CDON: variants seen among roughly 807,000 people sequenced by gnomAD.
CDON encodes cell adhesion molecule-related/down-regulated by oncogenes.
CDON carries 73 observed loss-of-function variants against 120.9 expected under a neutral mutation model. The observed-to-expected ratio is 0.60, with a 90% CI of 0.50 to 0.73. CDON has a LOEUF of 0.73. Among genes scored for constraint, CDON ranks in the 30% least tolerant of loss-of-function variants. CDON has a pLI of 0.00. For synonymous variants in CDON, 566 were observed against 573.5 expected, an observed-to-expected ratio of 0.99 and a Z score of 0.19; for missense variants, 1,470 against 1,587.3, an observed-to-expected ratio of 0.93 and a Z score of 1.26.
intron 18 of CDON, among the ~76,000 whole-genome samples, chr11:125,964,711 G>A (rs1945740937): frequency 6.6e-6 from 1 of 152,100 alleles, no homozygotes; most frequent in Non-Finnish European, 1.5e-5. Flanking sequence ...ATACATGTGT[G>A]GCTGACAAGA....
intron 1 of CDON, among the ~76,000 whole-genome samples, chr11:126,029,026 C>T (rs1453514103): frequency 6.6e-6 from 1 of 152,036 alleles, no homozygotes; most frequent in Non-Finnish European, 1.5e-5. Context: ...AAGAGGCCCC[C>T]AATAGCCAAC....
intron 18 of CDON, among the ~76,000 whole-genome samples, chr11:125,967,603 G>T (rs573933259): frequency 8.5e-5 from 13 of 152,178 alleles, no homozygotes; most frequent in Non-Finnish European, 1.6e-4. Context: ...CTTCTGCCTT[G>T]ATGTCGCATT....
chr11:126,024,216 C>G lies in CDON; in HGVS notation c.-61-679G>C, dbSNP rs529656350. On this transcript the variant is annotated intron_variant, in intron 1 of 19. Coordinates refer to ENST00000531738, the MANE Select transcript of CDON (RefSeq NM_001378964.1). ...CAGCTTTGAAGGCCATGGTAAAGAT[C>G]GTGGGATTTATTCTAAATGCAAGAG... Among the ~76,000 whole-genome samples the G allele has an allele frequency of 3.3e-5, 5 of 152,220 alleles. No individual in the cohort carries two copies. The South Asian group carries it at 1.0e-3, about 32-fold the overall frequency.
At chr11:126,058,930 A>C (rs1948735040) in intron 1 of CDON, among the ~76,000 whole-genome samples, 1 of 152,246 alleles carries the variant, frequency 6.6e-6, no homozygotes, top group Non-Finnish European at 1.5e-5. Flanking sequence ...AAGTCTGCAA[A>C]GTAATGCCTC....
chr11:126,022,183 T>C (rs1947663148), intron 2 of CDON, among the ~76,000 whole-genome samples: 3 of 151,156 alleles, frequency 2.0e-5, no homozygotes, highest in Admixed American at 2.0e-4. Context: ...AACTGGAAGT[T>C]AAGAACCTGA....
chr11:126,041,528 C>G (rs1948262722), intron 1 of CDON, among the ~76,000 whole-genome samples: 1 of 152,152 alleles, frequency 6.6e-6, no homozygotes, highest in Non-Finnish European at 1.5e-5. Flanking sequence ...AACATATGAA[C>G]TTCTGTATAG....
At chr11:126,060,510 T>C (rs2043438) in intron 1 of CDON, among the ~76,000 whole-genome samples, 50,610 of 151,954 alleles carry the variant, frequency 0.33, 8,691 homozygotes, top group Middle Eastern at 0.51. Context: ...ATTTCCCTAG[T>C]ATTTAACTTC....
intron 14 of CDON, among the ~76,000 whole-genome samples, chr11:125,992,709 G>A (rs910855987): frequency 2.0e-5 from 3 of 152,132 alleles, no homozygotes; most frequent in African/African-American, 4.8e-5. Flanking sequence ...TCATTCCACT[G>A]GATAAATATG....
In CDON at chr11:126,010,529, G is replaced by A. The variant is rs187095965; in HGVS notation, c.1364C>T (p.Ser455Leu). Residue 455 changes from serine to leucine, a missense_variant, in exon 8 of 20, where the codon TCG becomes TTG. Ser to Leu is a moderately radical substitution (Grantham distance 145). Transcript: ENST00000531738. ...ITSHPSQVLR[S>L]KSRKSQLSRP... The stretch of plus-strand genomic sequence containing the variant: ...TGATAACTGTGATTTTCGGGATTTC[G>A]ATCTCAGGACTTGAGATGGATGGCT... 37 of 1,614,066 alleles carry A rather than the reference G, an allele frequency of 2.3e-5. No homozygotes were observed. The Admixed American group carries it at 5.5e-4, about 24-fold the overall frequency.
At chr11:126,021,208 C>G (rs199618730) in intron 3 of CDON, 40 bp downstream of exon 3, 1 of 1,606,536 alleles carries the variant, frequency 6.2e-7, no homozygotes, top group African/African-American at 1.3e-5. Context: ...ACAGTAATTT[C>G]AAGAAAACCC....
chr11:126,005,865 A>G lies in CDON; in HGVS notation c.1745T>C (p.Ile582Thr). 3.7e-6 allele frequency: 6 copies of G among 1,614,022 alleles called. No individual in the cohort carries two copies. The highest frequency in any genetic ancestry group is 5.1e-6 in the Non-Finnish European group (6 of 1,179,964). The change falls in exon 9 of 20, where the codon ATA (isoleucine) becomes ACA (threonine). Residue 582 changes from isoleucine (I) to threonine (T), a missense_variant. Physicochemically the swap from Ile to Thr is moderately conservative, Grantham distance 89. Coordinates refer to ENST00000531738, the MANE Select transcript of CDON (RefSeq NM_001378964.1). ...TGTGTGGGTCTGTGGGGGGCTCAGT[A>G]TGATGGGGGCATCAGGAACAGAGAT... is the stretch of plus-strand genomic sequence containing the variant. ...SGISVPDAPIILSPPQTHTPD... is the reference protein window; with the variant it reads ...SGISVPDAPITLSPPQTHTPD...
intron 13 of CDON, among the ~76,000 whole-genome samples, 199 bp downstream of exon 13, chr11:125,994,672 C>T (rs1258430195): frequency 2.0e-5 from 3 of 152,108 alleles, no homozygotes; most frequent in Non-Finnish European, 2.9e-5. Context: ...GGATAAGAGC[C>T]GAGGAAACAA....
rs369007963 is a variant in CDON, at chr11:125,960,920, A to G, written c.*22T>C. On this transcript the variant is annotated 3_prime_UTR_variant, in exon 20 of 20. Transcript: ENST00000531738. ...GCAGTTACCGGCTTGAAGTTGGAAC[A>G]TGACTGGTTGTTTGCATGTCCTCAG... 36 of 1,613,290 alleles carry G rather than the reference A, an allele frequency of 2.2e-5. No individual in the cohort carries two copies. Among genetic ancestry groups the G allele is most frequent in the Non-Finnish European group, 2.6e-5 (31 of 1,179,706 alleles).
At chr11:126,033,610 T>A (rs1190864874) in intron 1 of CDON, among the ~76,000 whole-genome samples, 1 of 152,192 alleles carries the variant, frequency 6.6e-6, no homozygotes, top group East Asian at 1.9e-4. Context: ...ATTTCACATT[T>A]CACACTGTTA....
chr11:125,969,264 C>T (rs1023439293), intron 18 of CDON, among the ~76,000 whole-genome samples: 3 of 152,330 alleles, frequency 2.0e-5, no homozygotes, highest in South Asian at 2.1e-4. Context: ...TCCCAAAGTG[C>T]TGGGATTACA....
intron 18 of CDON, among the ~76,000 whole-genome samples, chr11:125,973,581 G>T (rs1269287445): frequency 6.6e-6 from 1 of 152,148 alleles, no homozygotes; most frequent in African/African-American, 2.4e-5. Flanking sequence ...ACCATCCACA[G>T]ATGTGCCATG....
chr11:126,060,543 C>G (rs550052664), intron 1 of CDON, among the ~76,000 whole-genome samples: 2 of 145,848 alleles, frequency 1.4e-5, no homozygotes, highest in African/African-American at 5.0e-5. Context: ...AATTTTTAGT[C>G]TAAACGTTCG....
At chr11:126,045,257 A>T (rs1328233992) in intron 1 of CDON, among the ~76,000 whole-genome samples, 1 of 151,922 alleles carries the variant, frequency 6.6e-6, no homozygotes, top group Non-Finnish European at 1.5e-5. Flanking sequence ...CGATCTCTTG[A>T]CCTCGTGATC....
intron 15 of CDON, among the ~76,000 whole-genome samples, chr11:125,988,872 C>A (rs548408611): frequency 6.6e-6 from 1 of 152,226 alleles, no homozygotes; most frequent in South Asian, 2.1e-4. Flanking sequence ...CAAGAAACCA[C>A]CTTTAACATA....
Sources: gnomAD v4.1 joint callset for allele counts (sites outside exome capture counted in the v4.1 genomes callset) on GRCh38, gnomAD v4.1.1 for gene constraint, MANE v1.5 for transcripts, NCBI Gene and HGNC (gene_info 2026-07-23, HGNC 2026-07-21) for gene names.